The following COLEC12 variants were observed in gnomAD, a reference collection of about 807,000 sequenced individuals.
COLEC12 encodes the protein collectin subfamily member 12.
In COLEC12, 33 loss-of-function variants were observed where a neutral mutation model predicts 71.1. The ratio of observed to expected loss-of-function variants is 0.46; its 90% CI spans 0.35 to 0.62. The LOEUF is 0.62. Ranked by LOEUF, COLEC12 falls within the 20% of genes least tolerant of loss-of-function variation. The probability of loss-of-function intolerance (pLI) is 0.00; values close to 1 mark genes in which losing one functional copy is unlikely to be tolerated. For missense variants in COLEC12, 765 were observed against 916.1 expected (o/e 0.84, Z 2.13); for synonymous variants, 350 against 353.0 (o/e 0.99, Z 0.10).
At position 317,849 on chromosome 18, in the gene COLEC12, G is replaced by A. The variant is rs1263259245; in HGVS notation, c.*2196C>T. ...GTGGGTCCCACCTGCCTGACAGCAG[G>A]GCACACAGGTGCTGAGCAGTTGGCC... On this transcript the variant is annotated 3_prime_UTR_variant, in exon 10 of 10. Transcript: ENST00000400256. 3 of 152,278 alleles carry A rather than the reference G, an allele frequency of 2.0e-5. No individual in the cohort carries two copies. The highest frequency in any genetic ancestry group is 4.4e-5 in the Non-Finnish European group (3 of 68,094). 9.4% of individuals were successfully genotyped at this position (152,278 alleles called of 1,614,324 possible). A position where few individuals can be genotyped will look rare whatever the true frequency, so the allele number is the denominator to read the frequency against.
At chr18:343,480 G>A (rs778092041) in intron 5 of COLEC12, among the ~76,000 whole-genome samples, 5 of 151,964 alleles carry the variant, frequency 3.3e-5, no homozygotes, top group African/African-American at 7.3e-5. Flanking sequence ...CAGCTGGTCC[G>A]TGCTCTCGGT....
chr18:367,973 A>G (rs1914892522), intron 2 of COLEC12, among the ~76,000 whole-genome samples: 1 of 152,212 alleles, frequency 6.6e-6, no homozygotes, highest in African/African-American at 2.4e-5. Flanking sequence ...GGATGGGGAG[A>G]GAAATATTTT....
rs780652534 is a variant in COLEC12, at chr18:348,158, C to G, written c.187G>C (p.Glu63Gln). The G allele has an allele frequency of 6.2e-7, 1 of 1,609,924 alleles. No homozygotes were observed. The highest frequency in any genetic ancestry group is 2.2e-5 in the East Asian group (1 of 44,860). ...CCACCTGTGACATTGTCCATTTTCT[C>G]TACAACTAAGATTTGGAAAATGATG... ...TVAILGYKVV[E>Q]KMDNVTGGME... The change falls in exon 4 of 10, where the codon GAG (glutamate) becomes CAG (glutamine). Residue 63 changes from glutamate to glutamine, a missense_variant. Glu to Gln is a conservative substitution (Grantham distance 29). Coordinates refer to ENST00000400256, the MANE Select transcript of COLEC12 (RefSeq NM_130386.3).
In COLEC12 at chr18:346,651, C is replaced by T; in HGVS notation, c.971G>A (p.Arg324Lys). Residue 324 changes from arginine (R) to lysine (K), a missense_variant, in exon 5 of 10, where the codon AGA (arginine) becomes AAA (lysine). Coordinates refer to ENST00000400256, the MANE Select transcript of COLEC12 (RefSeq NM_130386.3). This position sits in a 1 kb window ranked among gnomAD's most constrained non-coding sequence, Gnocchi z 4.0. ...CAGTTGGTTGAACTTGATGGCTGTTCTATTCTCTGCATCTTTGTGTAAGTC... is the reference window on the plus strand; with the variant it reads ...CAGTTGGTTGAACTTGATGGCTGTTTTATTCTCTGCATCTTTGTGTAAGTC... Reference protein sequence around the residue: ...LQDLHKDAENRTAIKFNQLEE... With the variant: ...LQDLHKDAENKTAIKFNQLEE... 1 of 1,614,178 alleles carries T rather than the reference C, an allele frequency of 6.2e-7. No homozygotes were observed.
chr18:369,401 T>TATTTTA (rs1914947006), intron 2 of COLEC12, among the ~76,000 whole-genome samples: 5 of 132,400 alleles, frequency 3.8e-5, no homozygotes, highest in East Asian at 2.1e-4. Flanking sequence ...TTTTTTATTT[T>TATTTTA]TTTTTATTTT....
intron 2 of COLEC12, among the ~76,000 whole-genome samples, chr18:378,635 T>C (rs1429037096): frequency 2.0e-5 from 3 of 152,176 alleles, no homozygotes; most frequent in Admixed American, 1.3e-4. Flanking sequence ...AAGTTGTAGG[T>C]AGATATCTAG....
intron 1 of COLEC12, among the ~76,000 whole-genome samples, chr18:481,358 T>C (rs1033187955): frequency 2.6e-5 from 4 of 152,106 alleles, no homozygotes; most frequent in African/African-American, 4.8e-5. Context: ...TAAATGTGTT[T>C]CAAAAGGCAG....
chr18:403,471 G>T (rs908399274), intron 2 of COLEC12, among the ~76,000 whole-genome samples: 6 of 152,180 alleles, frequency 3.9e-5, no homozygotes, highest in African/African-American at 1.4e-4. Flanking sequence ...ACAGAATACA[G>T]ACAGCCTGGG....
At chr18:391,128 G>A (rs1915454917) in intron 2 of COLEC12, among the ~76,000 whole-genome samples, 1 of 152,152 alleles carries the variant, frequency 6.6e-6, no homozygotes, top group African/African-American at 2.4e-5. Flanking sequence ...CTGTCAGGGG[G>A]TCTTATTCCT....
At chr18:329,032 G>T (rs141210658) in intron 8 of COLEC12, among the ~76,000 whole-genome samples, 1 of 152,174 alleles carries the variant, frequency 6.6e-6, no homozygotes, top group Non-Finnish European at 1.5e-5. Context: ...GGTGGCTGGG[G>T]TGCAGAAGCT....
chr18:398,730 G>T (rs1915620096), intron 2 of COLEC12, among the ~76,000 whole-genome samples: 1 of 152,228 alleles, frequency 6.6e-6, no homozygotes, highest in Non-Finnish European at 1.5e-5. Flanking sequence ...GAACTTCAAA[G>T]AAGTCAACAA....
chr18:391,575 G>C (rs1455344779), intron 2 of COLEC12, among the ~76,000 whole-genome samples: 1 of 152,082 alleles, frequency 6.6e-6, no homozygotes, highest in Non-Finnish European at 1.5e-5. Context: ...CTTGTTGATT[G>C]GGAGGAGAAT....
intron 1 of COLEC12, among the ~76,000 whole-genome samples, chr18:492,278 G>A (rs931199725): frequency 1.3e-5 from 2 of 152,158 alleles, no homozygotes; most frequent in Admixed American, 1.3e-4. Context: ...TCTGATGCTT[G>A]TAAAAATGGC....
chr18:394,762 G>A (rs16943780), intron 2 of COLEC12, among the ~76,000 whole-genome samples: 18,468 of 152,152 alleles, frequency 0.12, 1,368 homozygotes, highest in East Asian at 0.26. Context: ...TGAGTTGTCC[G>A]CAGAAGCGCC....
rs369583392 is a variant in COLEC12 at position 496,929 on chromosome 18, T to C, written c.7+3579A>G. Among the ~76,000 whole-genome samples, 13 of 152,208 alleles carry C rather than the reference T, an allele frequency of 8.5e-5. No homozygotes were observed. In the East Asian group the frequency reaches 2.5e-3, roughly 29 times the overall value. ...CACACGTAACTCTAGAGGAGTCAGATTCCTTCGTCAAGAATGTGAATATGT... is the reference window on the plus strand; with the variant it reads ...CACACGTAACTCTAGAGGAGTCAGACTCCTTCGTCAAGAATGTGAATATGT... On this transcript the variant is annotated intron_variant, in intron 1 of 9. Transcript: ENST00000400256.
chr18:445,425 ATC>A (rs774332404), intron 2 of COLEC12, among the ~76,000 whole-genome samples: 10 of 152,308 alleles, frequency 6.6e-5, no homozygotes, highest in Non-Finnish European at 1.2e-4. Flanking sequence ...TCTGACGGTT[ATC>A]TGTTATGTTT....
intron 2 of COLEC12, among the ~76,000 whole-genome samples, chr18:420,708 T>C (rs1407058098): frequency 6.6e-6 from 1 of 152,168 alleles, no homozygotes; most frequent in Non-Finnish European, 1.5e-5. Context: ...CATTTGTTTG[T>C]GTATATTTCT....
intron 2 of COLEC12, among the ~76,000 whole-genome samples, chr18:435,097 G>T (rs1916378388): frequency 6.6e-6 from 1 of 152,058 alleles, no homozygotes; most frequent in African/African-American, 2.4e-5. Flanking sequence ...TTTCCTAGCT[G>T]GACTCTGAGT....
chr18:350,457 A>C (rs1360367759), intron 3 of COLEC12, among the ~76,000 whole-genome samples: 1 of 152,202 alleles, frequency 6.6e-6, no homozygotes, highest in Non-Finnish European at 1.5e-5. Context: ...ACTAAATAAA[A>C]GCTTCAGTTC....
Sources: gnomAD v4.1 joint callset for allele counts (sites outside exome capture counted in the v4.1 genomes callset) on GRCh38, gnomAD v4.1.1 for gene constraint, Gnocchi (gnomAD v3.1) non-coding constraint, MANE v1.5 for transcripts, NCBI Gene and HGNC (gene_info 2026-07-23, HGNC 2026-07-21) for gene names.